SHB: variants seen among roughly 807,000 people sequenced by gnomAD.
The protein encoded by SHB is SH2 domain containing adaptor protein B, also known as SH2 domain-containing adapter protein B.
A neutral mutation model predicts 52.3 loss-of-function variants in SHB; 20 were observed. The ratio of observed to expected loss-of-function variants is 0.38; its 90% CI spans 0.27 to 0.56. The LOEUF is 0.56. Among genes scored for constraint, SHB ranks in the 20% least tolerant of loss-of-function variants. The pLI is 0.71. For missense variants in SHB, 825 were observed against 723.3 expected, an observed-to-expected ratio of 1.14 and a Z score of -1.61; for synonymous variants, 397 against 316.5, an observed-to-expected ratio of 1.25 and a Z score of -2.70.
intron 3 of SHB, among the ~76,000 whole-genome samples, chr9:37,964,533 C>A (rs1217691719): frequency 6.6e-6 from 1 of 152,140 alleles, no homozygotes. Flanking sequence ...GAGGCCTCTA[C>A]GGCTGCCAAA....
At chr9:37,945,256 A>G (rs540755767) in intron 5 of SHB, among the ~76,000 whole-genome samples, 1 of 152,328 alleles carries the variant, frequency 6.6e-6, no homozygotes, top group South Asian at 2.1e-4. Flanking sequence ...CCTGCCAGGC[A>G]AGCCTTGAGT....
Position 38,069,011 on chromosome 9 carries a change from A to G in SHB, c.-366T>C, listed in dbSNP as rs952803046. On this transcript the variant is annotated 5_prime_UTR_variant, in exon 1 of 6. Coordinates refer to ENST00000377707, the MANE Select transcript of SHB (RefSeq NM_003028.3). ...GTGGATCGCGCTCCTGCCCCGTCGG[A>G]GCCGCAGCCTCCGCCTTGGCCGGGA... 6.6e-6 allele frequency: 1 copy of G among 151,428 alleles called. No individual in the cohort carries two copies. Among genetic ancestry groups the G allele is most frequent in the African/African-American group, 2.4e-5 (1 of 41,272 alleles). 9.4% of individuals were successfully genotyped at this position (151,428 alleles called of 1,614,324 possible).
chr9:37,929,011 C>T (rs370540123), intron 5 of SHB, among the ~76,000 whole-genome samples: 20 of 152,372 alleles, frequency 1.3e-4, no homozygotes, highest in East Asian at 7.7e-4. Flanking sequence ...AGGGGGCCAG[C>T]GCCCTGGGGT....
At chr9:37,927,636 T>C (rs1451407502) in intron 5 of SHB, among the ~76,000 whole-genome samples, 1 of 152,194 alleles carries the variant, frequency 6.6e-6, no homozygotes, top group Non-Finnish European at 1.5e-5. Context: ...TTTTGGGCAA[T>C]TTTTCTCATG....
chr9:38,048,343 TA>T lies in SHB; in HGVS notation c.717+19585del, dbSNP rs1416369415. Among the ~76,000 whole-genome samples, 6 of 152,332 alleles carry T rather than the reference TA, an allele frequency of 3.9e-5. No individual in the cohort carries two copies. The East Asian group carries it at 1.2e-3, about 29-fold the overall frequency. On this transcript the variant is annotated intron_variant, in intron 1 of 5. Transcript: ENST00000377707. Reference sequence around the variant, plus strand: ...TTCATCATTTTTTATATCCTGCGTTTAAAAAAGTATTACTTCTGGCCAGTTG... The same window carrying T: ...TTCATCATTTTTTATATCCTGCGTTTAAAAAGTATTACTTCTGGCCAGTTG...
intron 5 of SHB, among the ~76,000 whole-genome samples, chr9:37,939,551 C>T (rs1250233792): frequency 6.6e-6 from 1 of 152,186 alleles, no homozygotes. Context: ...GGGCTTTCTC[C>T]ATGTCACCAC....
In SHB at chr9:37,921,833, A is replaced by C. The variant is rs1587190458; in HGVS notation, c.1347-1829T>G. 2.0e-5 allele frequency among the ~76,000 whole-genome samples: 3 copies of C among 152,368 alleles called. No individual in the cohort carries two copies. The East Asian group carries it at 5.8e-4, about 29-fold the overall frequency. ...GCCGAAGAGACCACAGATCTGTGCC[A>C]GTTTGGAAAGGGCTGTGATTGCTTA... is the stretch of plus-strand genomic sequence containing the variant. On this transcript the variant is annotated intron_variant, in intron 5 of 5. Coordinates refer to ENST00000377707, the MANE Select transcript of SHB (RefSeq NM_003028.3).
At chr9:37,976,498 G>A (rs1447996616) in intron 2 of SHB, among the ~76,000 whole-genome samples, 1 of 152,014 alleles carries the variant, frequency 6.6e-6, no homozygotes, top group East Asian at 1.9e-4. Flanking sequence ...TCCCTCCTCA[G>A]CCCCCACAAT....
chr9:38,011,919 G>A (rs1821146933), intron 2 of SHB, among the ~76,000 whole-genome samples: 1 of 152,166 alleles, frequency 6.6e-6, no homozygotes, highest in Non-Finnish European at 1.5e-5. Flanking sequence ...AGAGGCGATG[G>A]GGATGGCAAG....
intron 3 of SHB, among the ~76,000 whole-genome samples, chr9:37,961,889 C>A (rs1234357333): frequency 6.6e-6 from 1 of 152,178 alleles, no homozygotes; most frequent in Non-Finnish European, 1.5e-5. Context: ...AGAGATGGGG[C>A]CATGTGCCTC....
chr9:38,004,379 G>T (rs1322112168), intron 2 of SHB, among the ~76,000 whole-genome samples: 2 of 152,192 alleles, frequency 1.3e-5, no homozygotes, highest in Non-Finnish European at 2.9e-5. Flanking sequence ...TGGGGGCTGC[G>T]TGGGACTCGG....
At position 38,068,341 on chromosome 9, in the gene SHB, G is replaced by A. The variant is rs1318489737; in HGVS notation, c.305C>T (p.Ser102Leu). ...GCACATGGCGCGCAGTTTGCGCAGC[G>A]ACGAGCCAGGCCCGTTGTAGGGGTC... ...FEDPYNGPGS[S>L]LRKLRAMCRL... Residue 102 changes from serine (S) to leucine (L), a missense_variant, in exon 1 of 6, where the codon TCG becomes TTG. Coordinates refer to ENST00000377707, the MANE Select transcript of SHB (RefSeq NM_003028.3). 4 of 1,551,528 alleles carry A rather than the reference G, an allele frequency of 2.6e-6. No individual in the cohort carries two copies. Among genetic ancestry groups the A allele is most frequent in the East Asian group, 5.3e-5 (2 of 37,930 alleles).
chr9:38,006,167 CACCCACTGGCTG>C (rs1289789675), intron 2 of SHB, among the ~76,000 whole-genome samples: 2 of 152,172 alleles, frequency 1.3e-5, no homozygotes, highest in African/African-American at 4.8e-5. Flanking sequence ...TTCCACACAG[CACCCACTGGCTG>C]GTGGGCCCTT....
chr9:37,949,993 G>A (rs748635472), intron 4 of SHB, among the ~76,000 whole-genome samples: 3 of 152,112 alleles, frequency 2.0e-5, no homozygotes, highest in Non-Finnish European at 4.4e-5. Flanking sequence ...CTGGAGTGCC[G>A]TGGCGCGATA....
chr9:37,917,590 T>C lies in SHB; in HGVS notation c.*2231A>G, dbSNP rs1232214159. 2.0e-5 allele frequency among the ~76,000 whole-genome samples: 3 copies of C among 152,198 alleles called. No individual in the cohort carries two copies. The highest frequency in any genetic ancestry group is 4.1e-4 in the South Asian group (2 of 4,834). On this transcript the variant is annotated 3_prime_UTR_variant, in exon 6 of 6. Coordinates refer to ENST00000377707, the MANE Select transcript of SHB (RefSeq NM_003028.3). ...GTTCCCCCTCTTCCTCAGCCTCTCT[T>C]GGGCCTCCTCTGAGAATAAGCCTTG... is the stretch of plus-strand genomic sequence containing the variant.
intron 1 of SHB, among the ~76,000 whole-genome samples, chr9:38,024,426 G>A (rs939970492): frequency 3.9e-5 from 6 of 152,326 alleles, no homozygotes; most frequent in African/African-American, 7.2e-5. Context: ...CCCCTCCCAC[G>A]GCCACAGCTG....
intron 2 of SHB, among the ~76,000 whole-genome samples, chr9:37,977,027 C>T (rs1820664827): frequency 6.6e-6 from 1 of 152,184 alleles, no homozygotes; most frequent in Non-Finnish European, 1.5e-5. Context: ...TAGTATTTCC[C>T]AAGCTTTATT....
chr9:37,948,315 G>A (rs891137601), intron 5 of SHB, among the ~76,000 whole-genome samples: 1 of 152,168 alleles, frequency 6.6e-6, no homozygotes. Context: ...GACCATCGTC[G>A]TGGGCTTTGA....
chr9:37,973,029 G>A (rs1249191361), intron 3 of SHB, among the ~76,000 whole-genome samples: 1 of 152,146 alleles, frequency 6.6e-6, no homozygotes, highest in Middle Eastern at 3.2e-3. Flanking sequence ...AACATTGTTT[G>A]GCATCTGGCT....
Sources: allele counts gnomAD v4.1 joint callset (sites outside exome capture counted in the v4.1 genomes callset), GRCh38; gene constraint gnomAD v4.1.1; transcripts MANE v1.5; gene names NCBI Gene and HGNC (gene_info 2026-07-23, HGNC 2026-07-21).